ZNF706: variants seen among roughly 807,000 people sequenced by gnomAD.
ZNF706 encodes the protein transcriptional regulator ZNF706.
ZNF706 carries 4 observed loss-of-function variants against 9.2 expected under a neutral mutation model. The ratio of observed to expected loss-of-function variants is 0.43; its 90% CI spans 0.21 to 0.99. ZNF706 has a LOEUF of 0.99. ZNF706 is among the 50% of genes least tolerant of loss of function. ZNF706 has a pLI of 0.26. For missense variants in ZNF706, 27 were observed against 87.8 expected, an observed-to-expected ratio of 0.31 and a Z score of 2.77; for synonymous variants, 28 against 27.3, an observed-to-expected ratio of 1.03 and a Z score of -0.08.
rs1768913927 is a variant in ZNF706, at chr8:101,201,288, C to T, written c.135+319G>A. 3.8e-6 allele frequency: 1 copy of T among 260,944 alleles called. No homozygotes were observed. Among genetic ancestry groups the T allele is most frequent in the African/African-American group, 2.2e-5 (1 of 44,746 alleles). 16.2% of individuals were successfully genotyped at this position (260,944 alleles called of 1,614,324 possible). A position where few individuals can be genotyped will look rare whatever the true frequency, so the allele number is the denominator to read the frequency against. ...GTATACTTACTAGCATATTATATAG[C>T]TCTAAGAGTGTAGAGTTATATGATG... On this transcript the variant is annotated intron_variant, in intron 2 of 3. Coordinates refer to ENST00000311212, the MANE Select transcript of ZNF706 (RefSeq NM_016096.5). This position sits in a 1 kb window ranked among gnomAD's most constrained non-coding sequence, Gnocchi z 4.5.
chr8:101,203,732 A>G (rs1289146368), intron 1 of ZNF706: 2 of 151,322 alleles, frequency 1.3e-5, no homozygotes, highest in Non-Finnish European at 2.9e-5. Flanking sequence ...TAATATGAGA[A>G]CCCCATTCCC....
rs562479867 is a variant in ZNF706 at position 101,203,240 on chromosome 8, G to A, written c.-2-1497C>T. ...CCATTTAAATTAAAGGCTTTTATTC[G>A]ACCACACAAGTTAAACCTGCTCATA... On this transcript the variant is annotated intron_variant, in intron 1 of 3. Transcript: ENST00000311212. 1.6e-4 allele frequency: 25 copies of A among 151,702 alleles called. No homozygotes were observed. The South Asian group carries it at 4.2e-3, about 25-fold the overall frequency. 9.4% of individuals were successfully genotyped at this position (151,702 alleles called of 1,614,324 possible). A position where few individuals can be genotyped will look rare whatever the true frequency, so the allele number is the denominator to read the frequency against.
At chr8:101,200,165 A>T (rs1174287978) in intron 2 of ZNF706, 68 bp from the exon 3 acceptor site, 1 of 1,264,436 alleles carries the variant, frequency 7.9e-7, no homozygotes, top group Non-Finnish European at 1.1e-6. Flanking sequence ...ACTTTTTAGA[A>T]TCCTGAACCT....
intron 1 of ZNF706, chr8:101,202,590 T>G (rs945732423): frequency 6.6e-6 from 1 of 152,132 alleles, no homozygotes; most frequent in Admixed American, 6.5e-5. Flanking sequence ...AGCTAATCTA[T>G]AGTGAAAGGG....
chr8:101,202,353 G>A (rs1368287038), intron 1 of ZNF706: 1 of 152,000 alleles, frequency 6.6e-6, no homozygotes, highest in Admixed American at 6.6e-5. Flanking sequence ...AGCTACTTGG[G>A]AGGCTGAGGT....
At position 101,201,388 on chromosome 8, in the gene ZNF706, A is replaced by T. The variant is rs113769317; in HGVS notation, c.135+219T>A. On this transcript the variant is annotated intron_variant, in intron 2 of 3. Transcript: ENST00000311212. This position sits in a 1 kb window ranked among gnomAD's most constrained non-coding sequence, Gnocchi z 4.5. ...TGAGGAAAGCAATTTTGTTTTGTTC[A>T]CTCTGTTTTCCCAGCACCTAGAGAT... 3,822 of 521,722 alleles carry T rather than the reference A, an allele frequency of 7.3e-3. 126 individuals carry two copies. The highest frequency in any genetic ancestry group is 0.066 in the African/African-American group (3,455 of 52,042). The allele number at this position is 521,722 out of a possible 1,614,324, so 32.3% of individuals were successfully genotyped here.
chr8:101,205,050 G>T lies in ZNF706; in HGVS notation c.-3+385C>A. On this transcript the variant is annotated intron_variant, in intron 1 of 3. Coordinates refer to ENST00000311212, the MANE Select transcript of ZNF706 (RefSeq NM_016096.5). The surrounding 1 kb of genome is among the most constrained non-coding windows in gnomAD (Gnocchi z 6.6). ...CCTCGGAGACCCCCTCCTCCTCCCT[G>T]CCACCAAAGGCCACGCAGCCCCCAT... 1 of 534,638 alleles carries T rather than the reference G, an allele frequency of 1.9e-6. No homozygotes were observed. The highest frequency in any genetic ancestry group is 2.4e-6 in the Non-Finnish European group (1 of 418,442). 33.1% of individuals were successfully genotyped at this position (534,638 alleles called of 1,614,324 possible).
At chr8:101,204,546 T>C (rs1486693366) in intron 1 of ZNF706, 2 of 870,684 alleles carry the variant, frequency 2.3e-6, no homozygotes, top group Non-Finnish European at 1.4e-6. Context: ...ACTTAGGACT[T>C]GCTCTCAAGC....
chr8:101,203,965 T>C (rs1295263778), intron 1 of ZNF706: 3 of 152,234 alleles, frequency 2.0e-5, no homozygotes, highest in South Asian at 4.1e-4. Flanking sequence ...AGCCTTTATG[T>C]ATACCAATGT....
intron 1 of ZNF706, chr8:101,203,139 G>A (rs1810624460): frequency 6.6e-6 from 1 of 151,554 alleles, no homozygotes; most frequent in Non-Finnish European, 1.5e-5. Flanking sequence ...TTTTGTTACC[G>A]ATGATCTGAC....
chr8:101,199,443 T>C (rs1810479003), intron 3 of ZNF706, among the ~76,000 whole-genome samples: 1 of 152,022 alleles, frequency 6.6e-6, no homozygotes, highest in Non-Finnish European at 1.5e-5. Context: ...AACTCCACTA[T>C]TTAGGGGGAA....
chr8:101,204,835 T>C (rs1054772989), intron 1 of ZNF706: 1 of 985,468 alleles, frequency 1.0e-6, no homozygotes, highest in Non-Finnish European at 1.2e-6. Flanking sequence ...GTCCAGGAAG[T>C]AGGCTCATTC....
Position 101,199,997 on chromosome 8 carries a change from C to T in ZNF706, c.*5G>A. On this transcript the variant is annotated 3_prime_UTR_variant, in exon 3 of 4. Coordinates refer to ENST00000311212, the MANE Select transcript of ZNF706 (RefSeq NM_016096.5). Reference sequence around the variant, plus strand: ...GAAAAAGAGGTGAGTTACCTGTAAACAACCTTATGCCTGAACATCAGCTAA... The same window carrying T: ...GAAAAAGAGGTGAGTTACCTGTAAATAACCTTATGCCTGAACATCAGCTAA... 1 of 1,609,964 alleles carries T rather than the reference C, an allele frequency of 6.2e-7. No homozygotes were observed. Among genetic ancestry groups the T allele is most frequent in the South Asian group, 1.1e-5 (1 of 90,944 alleles).
chr8:101,202,925 CTG>C (rs1810615806), intron 1 of ZNF706: 1 of 152,154 alleles, frequency 6.6e-6, no homozygotes. Context: ...TAGGTGGAAA[CTG>C]TTTTCTTACT....
chr8:101,200,271 C>T (rs948200019), intron 2 of ZNF706, 174 bp from the exon 3 acceptor site: 2 of 529,878 alleles, frequency 3.8e-6, no homozygotes, highest in Non-Finnish European at 6.8e-6. Flanking sequence ...AAATTCCTAA[C>T]GTTCCCACAT....
At position 101,199,127 on chromosome 8, in the gene ZNF706, G is replaced by C. The variant is rs1417800883; in HGVS notation, c.*125C>G. The C allele has an allele frequency of 1.1e-5, 7 of 653,772 alleles. No homozygotes were observed. The allele number at this position is 653,772 out of a possible 1,614,324, so 40.5% of individuals were successfully genotyped here. ...CCAAGAGGGAACAGCATAAAAATGAGTGTTTCTGTAGCCCCTTTATTTTTG... is the reference window on the plus strand; with the variant it reads ...CCAAGAGGGAACAGCATAAAAATGACTGTTTCTGTAGCCCCTTTATTTTTG... On this transcript the variant is annotated 3_prime_UTR_variant, in exon 4 of 4. Transcript: ENST00000311212.
At position 101,205,041 on chromosome 8, in the gene ZNF706, C is replaced by G. The variant is rs1810702320; in HGVS notation, c.-3+394G>C. The G allele has an allele frequency of 2.9e-6, 2 of 700,852 alleles. No homozygotes were observed. The highest frequency in any genetic ancestry group is 1.3e-4 in the Admixed American group (2 of 15,916). The allele number at this position is 700,852 out of a possible 1,614,324, so 43.4% of individuals were successfully genotyped here. ...CCTCTCCCGCCTCGGAGACCCCCTCCTCCTCCCTGCCACCAAAGGCCACGC... is the reference window on the plus strand; with the variant it reads ...CCTCTCCCGCCTCGGAGACCCCCTCGTCCTCCCTGCCACCAAAGGCCACGC... On this transcript the variant is annotated intron_variant, in intron 1 of 3. Transcript: ENST00000311212. The surrounding 1 kb of genome is among the most constrained non-coding windows in gnomAD (Gnocchi z 6.6).
chr8:101,198,536 TA>T lies in ZNF706; in HGVS notation c.*715del, dbSNP rs1810444470. 1 of 152,182 alleles carries T rather than the reference TA, an allele frequency of 6.6e-6. No homozygotes were observed. Among genetic ancestry groups the T allele is most frequent in the African/African-American group, 2.4e-5 (1 of 41,438 alleles). 9.4% of individuals were successfully genotyped at this position (152,182 alleles called of 1,614,324 possible). ...TCATTACGGCATATACATTAGAACC[TA>T]ACCTTTCACAAGGGCTCACTGACAA... is the stretch of plus-strand genomic sequence containing the variant. On this transcript the variant is annotated 3_prime_UTR_variant, in exon 4 of 4. Transcript: ENST00000311212.
In ZNF706 at chr8:101,200,553, G is replaced by C. The variant is rs2129884444; in HGVS notation, c.136-456C>G. On this transcript the variant is annotated intron_variant, in intron 2 of 3. Transcript: ENST00000311212. The stretch of plus-strand genomic sequence containing the variant: ...ATACTATACTGACTTCCCTTGGCAA[G>C]AACCTTCAATTATTTATTCTTAACC... 2.0e-5 allele frequency among the ~76,000 whole-genome samples: 3 copies of C among 152,230 alleles called. No homozygotes were observed. The South Asian group carries it at 6.2e-4, about 32-fold the overall frequency.
Sources: gnomAD v4.1 joint callset for allele counts (sites outside exome capture counted in the v4.1 genomes callset) on GRCh38, gnomAD v4.1.1 for gene constraint, Gnocchi (gnomAD v3.1) non-coding constraint, MANE v1.5 for transcripts, NCBI Gene and HGNC (gene_info 2026-07-23, HGNC 2026-07-21) for gene names.